Variants in ATXN1 observed in about 807,000 individuals in gnomAD.
ATXN1 encodes the protein ataxin 1.
Under a neutral mutation model 56.4 loss-of-function variants are expected in ATXN1, and 8 were observed. The observed-to-expected ratio is 0.14, with a 90% confidence interval of 0.08 to 0.26. The LOEUF is 0.26. Among genes scored for constraint, ATXN1 ranks in the 10% least tolerant of loss-of-function variants. The pLI is 1.00. For synonymous variants in ATXN1, 514 were observed against 494.6 expected, an observed-to-expected ratio of 1.04 and a Z score of -0.52; for missense variants, 987 against 1,106.5, an observed-to-expected ratio of 0.89 and a Z score of 1.53.
chr6:16,681,660 G>C (rs576423504), intron 2 of ATXN1, among the ~76,000 whole-genome samples: 1 of 152,298 alleles, frequency 6.6e-6, no homozygotes, highest in Non-Finnish European at 1.5e-5. Flanking sequence ...AGAGCTCAGT[G>C]AATCAACTGC....
rs1760145172 is a variant in ATXN1 at position 16,302,877 on chromosome 6, T to C, written c.*3452A>G. 6.5e-6 allele frequency: 1 copy of C among 152,676 alleles called. No individual in the cohort carries two copies. Among genetic ancestry groups the C allele is most frequent in the Admixed American group, 6.5e-5 (1 of 15,286 alleles). 9.5% of individuals were successfully genotyped at this position (152,676 alleles called of 1,614,324 possible). On this transcript the variant is annotated 3_prime_UTR_variant, in exon 8 of 8. Coordinates refer to ENST00000436367, the MANE Select transcript of ATXN1 (RefSeq NM_001128164.2). ...CGGCACCGAAGAATTTCTACCCCTG[T>C]CATCGTTAATGTTTGCTACACAGAA...
chr6:16,514,349 C>G (rs1158656393), intron 5 of ATXN1, among the ~76,000 whole-genome samples: 1 of 152,150 alleles, frequency 6.6e-6, no homozygotes, highest in Non-Finnish European at 1.5e-5. Flanking sequence ...GACATTACCC[C>G]TCATGTCCCA....
At chr6:16,332,968 A>G (rs1761025307) in intron 6 of ATXN1, among the ~76,000 whole-genome samples, 3 of 152,330 alleles carry the variant, frequency 2.0e-5, no homozygotes, top group East Asian at 3.9e-4. Flanking sequence ...AAGGTTTGAG[A>G]AACCCTAGCA....
intron 4 of ATXN1, among the ~76,000 whole-genome samples, chr6:16,547,443 T>G (rs758028111): frequency 1.3e-5 from 2 of 152,172 alleles, no homozygotes; most frequent in Non-Finnish European, 1.5e-5. Context: ...AGACCCAAGC[T>G]GTGCACCAGG....
intron 7 of ATXN1, among the ~76,000 whole-genome samples, chr6:16,309,166 T>G (rs1760327275): frequency 6.6e-6 from 1 of 150,806 alleles, no homozygotes; most frequent in African/African-American, 2.4e-5. Flanking sequence ...AGTTAGAGGT[T>G]GCAGTGAGCT....
rs181082385 is a variant in ATXN1, at chr6:16,470,226, A to G, written c.-161+15746T>C. Among the ~76,000 whole-genome samples the G allele has an allele frequency of 2.0e-5, 3 of 152,296 alleles. No individual in the cohort carries two copies. In the East Asian group the frequency reaches 5.8e-4, roughly 29 times the overall value. Reference sequence around the variant, plus strand: ...TTATGCTCAGTGAAATGAGCCAGGCACAAAAGGACAAATACTACATGATTC... The same window carrying G: ...TTATGCTCAGTGAAATGAGCCAGGCGCAAAAGGACAAATACTACATGATTC... On this transcript the variant is annotated intron_variant, in intron 6 of 7. Coordinates refer to ENST00000436367, the MANE Select transcript of ATXN1 (RefSeq NM_001128164.2).
At chr6:16,449,298 A>T (rs2113610054) in intron 6 of ATXN1, among the ~76,000 whole-genome samples, 1 of 152,322 alleles carries the variant, frequency 6.6e-6, no homozygotes, top group Admixed American at 6.5e-5. Flanking sequence ...TTGGTATGTA[A>T]TAAATAAACA....
intron 4 of ATXN1, among the ~76,000 whole-genome samples, chr6:16,546,704 T>C (rs1761820908): frequency 1.3e-5 from 2 of 152,292 alleles, no homozygotes; most frequent in Middle Eastern, 3.4e-3. Flanking sequence ...AACAGTTATG[T>C]TTAAGGTATT....
chr6:16,484,947 ATGTGTGTGTG>A (rs35749735), intron 6 of ATXN1, among the ~76,000 whole-genome samples: 145 of 126,052 alleles, frequency 1.2e-3, no homozygotes, highest in Admixed American at 2.2e-3. Flanking sequence ...CTAAATATAT[ATGTGTGTGTG>A]TGTGTGTGTG....
chr6:16,491,546 C>T lies in ATXN1; in HGVS notation c.-298-5437G>A, dbSNP rs558548885. On this transcript the variant is annotated intron_variant, in intron 5 of 7. Transcript: ENST00000436367. ...TCCTGGCCTCAAGTGATCCACCTGC[C>T]TCAGCCTCCCAAAGTGCCGGGATTA... Among the ~76,000 whole-genome samples the T allele has an allele frequency of 5.9e-4, 90 of 152,114 alleles. 1 individual carries two copies. Among genetic ancestry groups the T allele is most frequent in the Non-Finnish European group, 8.1e-4 (55 of 67,986 alleles).
At chr6:16,438,930 T>C (rs988676667) in intron 6 of ATXN1, among the ~76,000 whole-genome samples, 1 of 152,206 alleles carries the variant, frequency 6.6e-6, no homozygotes, top group Non-Finnish European at 1.5e-5. Context: ...CAAGTTGCTA[T>C]TCTGGAATCT....
At chr6:16,340,852 G>T (rs1761229691) in intron 6 of ATXN1, among the ~76,000 whole-genome samples, 1 of 152,222 alleles carries the variant, frequency 6.6e-6, no homozygotes, top group South Asian at 2.1e-4. Flanking sequence ...CAGATGGGTG[G>T]TACAGAAAGG....
chr6:16,563,497 T>C (rs530630679), intron 4 of ATXN1, among the ~76,000 whole-genome samples: 47 of 152,172 alleles, frequency 3.1e-4, no homozygotes, highest in Non-Finnish European at 5.3e-4. Context: ...AAAGTGGCTA[T>C]AGTGACCAAG....
chr6:16,538,842 C>T (rs892723525), intron 4 of ATXN1, among the ~76,000 whole-genome samples: 1 of 152,164 alleles, frequency 6.6e-6, no homozygotes, highest in Non-Finnish European at 1.5e-5. Flanking sequence ...TGAGCCACCA[C>T]ACCTGGCTAA....
At chr6:16,308,498 G>A (rs752250605) in intron 7 of ATXN1, among the ~76,000 whole-genome samples, 7 of 152,152 alleles carry the variant, frequency 4.6e-5, no homozygotes, top group Non-Finnish European at 7.3e-5. Context: ...GCTTTTGATA[G>A]TGTTAAGAGC....
intron 6 of ATXN1, among the ~76,000 whole-genome samples, chr6:16,461,343 C>T (rs536604797): frequency 2.0e-5 from 3 of 152,162 alleles, no homozygotes; most frequent in South Asian, 2.1e-4. Flanking sequence ...ACTTAAGACC[C>T]CCTGCCAAAC....
At chr6:16,573,236 T>C (rs1269187739) in intron 4 of ATXN1, among the ~76,000 whole-genome samples, 1 of 151,896 alleles carries the variant, frequency 6.6e-6, no homozygotes, top group Non-Finnish European at 1.5e-5. Flanking sequence ...TATTCCTCGA[T>C]GTAGGCATGC....
At position 16,445,788 on chromosome 6, in the gene ATXN1, C is replaced by G. The variant is rs906654596; in HGVS notation, c.-161+40184G>C. 6.0e-5 allele frequency among the ~76,000 whole-genome samples: 9 copies of G among 149,748 alleles called. No homozygotes were observed. In the South Asian group the frequency reaches 1.9e-3, roughly 32 times the overall value. On this transcript the variant is annotated intron_variant, in intron 6 of 7. Transcript: ENST00000436367. ...AACATGCGGTGTTTGGTTTTTTGTC[C>G]TTGTGATAGTTTACTGAGAATGATG... is the stretch of plus-strand genomic sequence containing the variant.
chr6:16,489,189 C>A (rs1171530914), intron 5 of ATXN1, among the ~76,000 whole-genome samples: 1 of 152,138 alleles, frequency 6.6e-6, no homozygotes, highest in East Asian at 1.9e-4. Flanking sequence ...CCTTGCCATG[C>A]CCTTCTTTTG....
Sources: gnomAD v4.1 joint callset for allele counts (sites outside exome capture counted in the v4.1 genomes callset) on GRCh38, gnomAD v4.1.1 for gene constraint, MANE v1.5 for transcripts, NCBI Gene and HGNC (gene_info 2026-07-23, HGNC 2026-07-21) for gene names.